REL: variants seen among roughly 807,000 people sequenced by gnomAD.
REL encodes REL proto-oncogene, NF-kB subunit.
A neutral mutation model predicts 45.9 loss-of-function variants in REL; 15 were observed. The ratio of observed to expected loss-of-function variants is 0.33; its 90% CI spans 0.22 to 0.50. The LOEUF is 0.50. Ranked by LOEUF, REL falls within the 20% of genes least tolerant of loss-of-function variation. The pLI is 0.98. For missense variants in REL, 601 were observed against 715.2 expected (o/e 0.84, Z 1.82); for synonymous variants, 239 against 242.1 (o/e 0.99, Z 0.12).
intron 1 of REL, among the ~76,000 whole-genome samples, chr2:60,884,792 A>T (rs570027774): frequency 6.6e-6 from 1 of 152,146 alleles, no homozygotes; most frequent in Non-Finnish European, 1.5e-5. Context: ...ACAGAAATGA[A>T]TTGTTTTTGT....
intron 1 of REL, among the ~76,000 whole-genome samples, chr2:60,887,858 T>C (rs2103919344): frequency 6.6e-6 from 1 of 152,022 alleles, no homozygotes; most frequent in South Asian, 2.1e-4. Flanking sequence ...TCTGTTCTTT[T>C]TGTAAACAAT....
intron 7 of REL, 53 bp downstream of exon 7, chr2:60,918,659 A>T: frequency 8.5e-7 from 1 of 1,179,014 alleles, no homozygotes; most frequent in Non-Finnish European, 1.3e-6. Context: ...GGTCCTGCTA[A>T]TAACATCTTC....
intron 2 of REL, among the ~76,000 whole-genome samples, chr2:60,892,579 C>T (rs1455430490): frequency 6.6e-6 from 1 of 151,850 alleles, no homozygotes; most frequent in Admixed American, 6.6e-5. Flanking sequence ...CAGACGCCCA[C>T]CACCACGCCC....
intron 4 of REL, among the ~76,000 whole-genome samples, chr2:60,907,057 C>T (rs1177647918): frequency 1.3e-5 from 2 of 151,356 alleles, no homozygotes; most frequent in Non-Finnish European, 2.9e-5. Context: ...GTAGCTGGGA[C>T]TACAGGCACG....
intron 4 of REL, among the ~76,000 whole-genome samples, chr2:60,901,423 A>G (rs931431884): frequency 6.6e-6 from 1 of 152,166 alleles, no homozygotes; most frequent in Admixed American, 6.5e-5. Flanking sequence ...TGGCATCCCA[A>G]AGTGCTGGGA....
intron 2 of REL, 22 bp downstream of exon 2, chr2:60,891,847 T>A (rs775171752): frequency 6.3e-7 from 1 of 1,582,330 alleles, no homozygotes; most frequent in South Asian, 1.2e-5. Flanking sequence ...TTCTTCTGTG[T>A]CTATCTCACT....
At chr2:60,920,538 A>G (rs1674113761) in intron 8 of REL, 36 bp from the exon 9 acceptor site, 2 of 1,449,358 alleles carry the variant, frequency 1.4e-6, no homozygotes, top group Non-Finnish European at 1.9e-6. Flanking sequence ...TATTTTTCAA[A>G]TGACATTTAA....
rs1013762932 is a variant in REL, at chr2:60,909,979, G to A, written c.395-6898G>A. On this transcript the variant is annotated intron_variant, in intron 4 of 9. Coordinates refer to ENST00000394479, the MANE Select transcript of REL (RefSeq NM_001291746.2). ...ATTTTTATTTCAGTAGTGTTTGACA[G>A]TATTAGAATTTTAGAAATGTTACAC... Among the ~76,000 whole-genome samples the A allele has an allele frequency of 3.3e-5, 5 of 152,104 alleles. No individual in the cohort carries two copies. The South Asian group carries it at 8.3e-4, about 25-fold the overall frequency.
rs1186842732 is a variant in REL at position 60,918,623 on chromosome 2, G to C, written c.853+17G>C. ...ATGAAAAAGGTATGACATTTTGCTG[G>C]TAATAATTTATATATTTCTTGAAGT... On this transcript the variant is annotated intron_variant, in intron 7 of 9. Transcript: ENST00000394479. The C allele has an allele frequency of 6.4e-7, 1 of 1,552,768 alleles. No homozygotes were observed. The highest frequency in any genetic ancestry group is 1.7e-5 in the Admixed American group (1 of 59,932).
intron 4 of REL, among the ~76,000 whole-genome samples, chr2:60,906,911 A>ATTTTTTTTT (rs1285004419): frequency 1.8e-5 from 2 of 108,978 alleles, no homozygotes; most frequent in African/African-American, 3.9e-5. Flanking sequence ...ATATATATAT[A>ATTTTTTTTT]TATTTTTTTT....
At chr2:60,896,821 A>G (rs550261450) in intron 3 of REL, among the ~76,000 whole-genome samples, 1 of 152,156 alleles carries the variant, frequency 6.6e-6, no homozygotes, top group South Asian at 2.1e-4. Context: ...GGACCACCTC[A>G]CTTATTGTCC....
At chr2:60,921,463 C>T (rs1467063389) in intron 9 of REL, among the ~76,000 whole-genome samples, 1 of 152,002 alleles carries the variant, frequency 6.6e-6, no homozygotes, top group African/African-American at 2.4e-5. Context: ...TTCAAAAATA[C>T]CTTTATAGAG....
chr2:60,918,764 T>C (rs1254284173), intron 7 of REL, among the ~76,000 whole-genome samples, 158 bp downstream of exon 7: 1 of 152,180 alleles, frequency 6.6e-6, no homozygotes, highest in Non-Finnish European at 1.5e-5. Context: ...GCTCTTTGCA[T>C]CTCTTTATTT....
chr2:60,897,738 C>A (rs1427014011), intron 3 of REL, among the ~76,000 whole-genome samples: 1 of 151,886 alleles, frequency 6.6e-6, no homozygotes, highest in African/African-American at 2.4e-5. Context: ...TCAAAAGTAC[C>A]TTAAGTAGCG....
chr2:60,919,586 C>T (rs367582875), intron 7 of REL, among the ~76,000 whole-genome samples: 4 of 151,888 alleles, frequency 2.6e-5, no homozygotes, highest in East Asian at 1.9e-4. Flanking sequence ...CCACCACACC[C>T]GACTCATTTT....
chr2:60,902,533 G>GTT lies in REL; in HGVS notation c.394+1460_394+1461dup, dbSNP rs56336137. 1.9e-3 allele frequency among the ~76,000 whole-genome samples: 271 copies of GTT among 139,816 alleles called. 1 individual carries two copies. The highest frequency in any genetic ancestry group is 5.1e-3 in the African/African-American group (192 of 37,792). 91.7% of individuals were successfully genotyped at this position (139,816 alleles called of 152,430 possible). A position where few individuals can be genotyped will look rare whatever the true frequency, so the allele number is the denominator to read the frequency against. On this transcript the variant is annotated intron_variant, in intron 4 of 9. Transcript: ENST00000394479. ...TTTCCATGTCAATACTTACAAATCT[G>GTT]TTTTTTTTTTTAACAGAATATTTTA...
rs1223964643 is a variant in REL at position 60,924,949 on chromosome 2, G to A, written c.*2414G>A. On this transcript the variant is annotated 3_prime_UTR_variant, in exon 10 of 10. Transcript: ENST00000394479. ...TGTTTCGTGACTTTTGGTAATTCTGGCATTTAGAAACCTTTCACTTTGCTT... is the reference window on the plus strand; with the variant it reads ...TGTTTCGTGACTTTTGGTAATTCTGACATTTAGAAACCTTTCACTTTGCTT... 5 of 210,742 alleles carry A rather than the reference G, an allele frequency of 2.4e-5. No individual in the cohort carries two copies. The highest frequency in any genetic ancestry group is 4.8e-5 in the Non-Finnish European group (5 of 103,680). The allele number at this position is 210,742 out of a possible 1,614,324, so 13.1% of individuals were successfully genotyped here.
At chr2:60,904,592 A>G (rs1002969697) in intron 4 of REL, among the ~76,000 whole-genome samples, 6 of 151,430 alleles carry the variant, frequency 4.0e-5, no homozygotes, top group African/African-American at 1.5e-4. Flanking sequence ...ATTAAAAAAA[A>G]AAAAAATCAA....
Position 60,921,949 on chromosome 2 carries a change from C to G in REL, c.1178C>G (p.Thr393Arg), listed in dbSNP as rs1437316080. Residue 393 changes from threonine (T) to arginine (R), a missense_variant, in exon 10 of 10, where the codon ACA (threonine) becomes AGA (arginine). Physicochemically the swap from Thr to Arg is moderately conservative, Grantham distance 71. Coordinates refer to ENST00000394479, the MANE Select transcript of REL (RefSeq NM_001291746.2). ...CACCCCACCCCACGCTCAGGCAATA[C>G]AAACCCACTGAGTAGTTTTTCAACA... ...VAHPTPRSGN[T>R]NPLSSFSTRT... The G allele has an allele frequency of 1.2e-6, 2 of 1,614,018 alleles. No homozygotes were observed. The highest frequency in any genetic ancestry group is 1.7e-6 in the Non-Finnish European group (2 of 1,180,034).
Sources: allele counts gnomAD v4.1 joint callset (sites outside exome capture counted in the v4.1 genomes callset), GRCh38; gene constraint gnomAD v4.1.1; transcripts MANE v1.5; gene names NCBI Gene and HGNC (gene_info 2026-07-23, HGNC 2026-07-21).